Variants in PVT1 observed in about 807,000 individuals in gnomAD.
PVT1 encodes Pvt1 oncogene, also known as CXCR4/PVT1 fusion.
intron 2 of PVT1, among the ~76,000 whole-genome samples, chr8:127,875,164 C>T (rs1486403237): frequency 6.6e-6 from 1 of 152,190 alleles, no homozygotes; most frequent in Non-Finnish European, 1.5e-5. Context: ...CCCACCTTAA[C>T]CAGTGACTGT....
intron 2 of PVT1, among the ~76,000 whole-genome samples, chr8:127,810,195 C>A (rs1454124611): frequency 6.6e-6 from 1 of 152,236 alleles, no homozygotes; most frequent in Admixed American, 6.5e-5. Flanking sequence ...CTCTTCTTTC[C>A]TCTCCCCAGG....
chr8:127,825,772 C>G (rs1438482846), intron 2 of PVT1, among the ~76,000 whole-genome samples: 1 of 152,192 alleles, frequency 6.6e-6, no homozygotes, highest in African/African-American at 2.4e-5. Context: ...ATATGGCGTG[C>G]ATCTCTTCCT....
In PVT1 at chr8:127,801,889, A is replaced by ATTAT. The variant is rs56208015; in HGVS notation, n.372+5858_372+5861dup. On this transcript the variant is annotated intron_variant and non_coding_transcript_variant, in intron 2 of 10. Coordinates refer to ENST00000651587, the Ensembl canonical transcript of PVT1. ...CTTAGTGAGAAGAGTAAGATATCTCATTATTTATTTATTTATTTATTTATT... is the reference window on the plus strand; with the variant it reads ...CTTAGTGAGAAGAGTAAGATATCTCATTATTTATTTATTTATTTATTTATTTATT... Among the ~76,000 whole-genome samples, 838 of 147,476 alleles carry ATTAT rather than the reference A, an allele frequency of 5.7e-3. 10 individuals carry two copies. Among genetic ancestry groups the ATTAT allele is most frequent in the African/African-American group, 0.019 (741 of 39,946 alleles).
In PVT1 at chr8:127,878,851, G is replaced by A. The variant is rs1290850671; in HGVS notation, n.373-11738G>A. ...TGTTTGCCTTCTCACCTGCAAGGGG[G>A]TGGGGAGAAGTGGCCAGGGGTGGGC... is the stretch of plus-strand genomic sequence containing the variant. On this transcript the variant is annotated intron_variant and non_coding_transcript_variant, in intron 2 of 10. Transcript: ENST00000651587. Among the ~76,000 whole-genome samples the A allele has an allele frequency of 4.6e-5, 7 of 152,194 alleles. No homozygotes were observed. The East Asian group carries it at 1.3e-3, about 29-fold the overall frequency.
At position 127,826,705 on chromosome 8, in the gene PVT1, C is replaced by T. The variant is rs1483198934; in HGVS notation, n.372+30634C>T. Among the ~76,000 whole-genome samples, 10 of 152,298 alleles carry T rather than the reference C, an allele frequency of 6.6e-5. No individual in the cohort carries two copies. The South Asian group carries it at 1.0e-3, about 16-fold the overall frequency. The stretch of plus-strand genomic sequence containing the variant: ...TAGTGGCTGTTGCTAAGAGGCCACC[C>T]GGGAGCTTTCTGGGGCCAGGAGAGA... On this transcript the variant is annotated intron_variant and non_coding_transcript_variant, in intron 2 of 10. Coordinates refer to ENST00000651587, the Ensembl canonical transcript of PVT1.
intron 6 of PVT1, chr8:128,101,000 C>T (rs1166514280): frequency 6.6e-6 from 1 of 152,200 alleles, no homozygotes; most frequent in Non-Finnish European, 1.5e-5. Context: ...TGTCTGACAC[C>T]CATGACTCCA....
intron 4 of PVT1, among the ~76,000 whole-genome samples, chr8:128,021,727 A>G (rs1440938261): frequency 2.0e-5 from 3 of 152,202 alleles, no homozygotes; most frequent in East Asian, 1.9e-4. Flanking sequence ...TGCAAAAAGA[A>G]CCGAATAAAT....
chr8:127,912,856 C>T (rs1004833021), intron 3 of PVT1, among the ~76,000 whole-genome samples: 1 of 152,232 alleles, frequency 6.6e-6, no homozygotes, highest in Non-Finnish European at 1.5e-5. Context: ...GCCACCAGGC[C>T]AGACGAATTT....
chr8:127,888,511 G>C (rs781087013), intron 2 of PVT1, among the ~76,000 whole-genome samples: 1 of 152,236 alleles, frequency 6.6e-6, no homozygotes, highest in Non-Finnish European at 1.5e-5. Context: ...CATGTCAAAA[G>C]GGACTTTGCA....
At chr8:127,795,871 AC>A (rs1447682228) in intron 1 of PVT1, 2 of 170,110 alleles carry the variant, frequency 1.2e-5, no homozygotes, top group Non-Finnish European at 2.9e-5. Context: ...AATCCTCAGA[AC>A]CCTGAGTGGA....
At chr8:128,004,055 T>C (rs1817217747) in intron 4 of PVT1, among the ~76,000 whole-genome samples, 1 of 152,142 alleles carries the variant, frequency 6.6e-6, no homozygotes, top group African/African-American at 2.4e-5. Context: ...AGGACACATA[T>C]CCTTTCAGAT....
At chr8:127,822,821 G>A (rs1814748283) in intron 2 of PVT1, among the ~76,000 whole-genome samples, 1 of 152,162 alleles carries the variant, frequency 6.6e-6, no homozygotes, top group Admixed American at 6.5e-5. Flanking sequence ...CAGTTTGCCT[G>A]AGCAAACTGC....
intron 2 of PVT1, among the ~76,000 whole-genome samples, chr8:127,829,316 A>C (rs1814825439): frequency 6.6e-6 from 1 of 152,210 alleles, no homozygotes; most frequent in South Asian, 2.1e-4. Context: ...ATAAAACCTT[A>C]TATATATTCA....
At chr8:127,795,575 G>A (rs1481150105) in intron 1 of PVT1, among the ~76,000 whole-genome samples, 1 of 152,124 alleles carries the variant, frequency 6.6e-6, no homozygotes, top group Admixed American at 6.6e-5. Flanking sequence ...TTTCCAGAGA[G>A]AGGCTGTTAG....
intron 3 of PVT1, among the ~76,000 whole-genome samples, chr8:127,894,673 C>T (rs186938462): frequency 6.6e-5 from 10 of 152,242 alleles, no homozygotes; most frequent in African/African-American, 1.4e-4. Context: ...GCAGATGATA[C>T]TGCTTAGGAT....
chr8:127,821,076 T>C (rs1021268379), intron 2 of PVT1, among the ~76,000 whole-genome samples: 1 of 152,156 alleles, frequency 6.6e-6, no homozygotes, highest in Non-Finnish European at 1.5e-5. Flanking sequence ...ATTGTTGTCT[T>C]GTGTAACATG....
chr8:128,089,640 A>T (rs952790921), intron 5 of PVT1, among the ~76,000 whole-genome samples: 1 of 152,248 alleles, frequency 6.6e-6, no homozygotes, highest in Non-Finnish European at 1.5e-5. Flanking sequence ...ACAGATAATT[A>T]AACACACAAT....
chr8:128,008,829 C>A (rs1288087785), intron 4 of PVT1: 3 of 452,250 alleles, frequency 6.6e-6, no homozygotes, highest in Admixed American at 6.0e-5. Flanking sequence ...CAGGTTGGGG[C>A]CTGAAAAACA....
chr8:127,959,623 A>G (rs1376494930), intron 3 of PVT1, among the ~76,000 whole-genome samples: 1 of 148,956 alleles, frequency 6.7e-6, no homozygotes, highest in Non-Finnish European at 1.5e-5. Flanking sequence ...CCCAGTGCCT[A>G]CCCTTAAAGG....
Sources: gnomAD v4.1 joint callset for allele counts (sites outside exome capture counted in the v4.1 genomes callset) on GRCh38, gnomAD v4.1.1 for gene constraint, MANE v1.5 for transcripts, NCBI Gene and HGNC (gene_info 2026-07-23, HGNC 2026-07-21) for gene names.